The following MYO16 variants were observed in gnomAD, a reference collection of about 807,000 sequenced individuals.
The protein encoded by MYO16 is myosin XVI.
A neutral mutation model predicts 205.3 loss-of-function variants in MYO16; 94 were observed. The ratio of observed to expected loss-of-function variants is 0.46; its 90% confidence interval spans 0.39 to 0.54. The LOEUF (loss-of-function observed/expected upper bound fraction) is 0.54, where lower values mean the gene tolerates loss of function less well. MYO16 is among the 20% of genes least tolerant of loss of function. MYO16 has a pLI of 0.00. For missense variants in MYO16, 2,315 were observed against 2,387.5 expected (o/e 0.97, Z 0.63); for synonymous variants, 988 against 954.0 (o/e 1.04, Z -0.66).
intron 9 of MYO16, among the ~76,000 whole-genome samples, chr13:108,834,792 ATTTC>A (rs1280170620): frequency 3.3e-5 from 3 of 90,606 alleles, no homozygotes; most frequent in Non-Finnish European, 8.5e-5. Flanking sequence ...GATTAAAATT[ATTTC>A]TTTTTTTTAA....
At chr13:108,962,121 A>G (rs2139368195) in intron 18 of MYO16, among the ~76,000 whole-genome samples, 1 of 152,324 alleles carries the variant, frequency 6.6e-6, no homozygotes, top group African/African-American at 2.4e-5. Context: ...ACATATCTTC[A>G]CCTATATCAA....
At chr13:109,144,920 T>A (rs1877259840) in intron 32 of MYO16, among the ~76,000 whole-genome samples, 1 of 152,248 alleles carries the variant, frequency 6.6e-6, no homozygotes, top group African/African-American at 2.4e-5. Context: ...TCTACTCCAT[T>A]ACTATTCCAT....
intron 4 of MYO16, among the ~76,000 whole-genome samples, chr13:108,761,352 G>A (rs1056202220): frequency 6.6e-6 from 1 of 151,558 alleles, no homozygotes; most frequent in Non-Finnish European, 1.5e-5. Context: ...ATTTGATCAT[G>A]GACACTAAAA....
chr13:108,553,425 G>A, the MYO16 span, among the ~76,000 whole-genome samples: 50 of 152,098 alleles, frequency 3.3e-4, 1 homozygote, highest in South Asian at 8.9e-3. Flanking sequence ...CCCAATTCTC[G>A]CATCCCTGGG....
At chr13:108,554,587 C>A in the MYO16 span, among the ~76,000 whole-genome samples, 1 of 152,144 alleles carries the variant, frequency 6.6e-6, no homozygotes, top group Non-Finnish European at 1.5e-5. Flanking sequence ...TGGTGGCTCA[C>A]GCCTGTAATC....
At chr13:108,680,606 T>G (rs1882421803) in intron 2 of MYO16, among the ~76,000 whole-genome samples, 1 of 152,198 alleles carries the variant, frequency 6.6e-6, no homozygotes, top group Admixed American at 6.5e-5. Flanking sequence ...TTAAAACACC[T>G]TGAGGCACTT....
chr13:108,947,870 T>C (rs1046976307), intron 16 of MYO16, among the ~76,000 whole-genome samples: 2 of 152,254 alleles, frequency 1.3e-5, no homozygotes, highest in Non-Finnish European at 2.9e-5. Flanking sequence ...TTTCTGAATG[T>C]GTAATTTGTT....
intron 1 of MYO16, among the ~76,000 whole-genome samples, chr13:108,602,956 A>T (rs765021867): frequency 6.6e-6 from 1 of 152,210 alleles, no homozygotes; most frequent in Non-Finnish European, 1.5e-5. Flanking sequence ...AACCTGGAAA[A>T]ATGTCCAGTT....
chr13:108,541,734 G>C, the MYO16 span, among the ~76,000 whole-genome samples: 1 of 152,018 alleles, frequency 6.6e-6, no homozygotes. Flanking sequence ...CTAATCATTA[G>C]AGACATGCAA....
intron 2 of MYO16, among the ~76,000 whole-genome samples, chr13:108,686,025 G>GT (rs1566549663): frequency 6.6e-6 from 1 of 152,202 alleles, no homozygotes; most frequent in Non-Finnish European, 1.5e-5. Context: ...GGAGACACAG[G>GT]TCAGCCCATA....
At chr13:108,572,016 C>T in the MYO16 span, among the ~76,000 whole-genome samples, 1 of 151,802 alleles carries the variant, frequency 6.6e-6, no homozygotes, top group Non-Finnish European at 1.5e-5. Flanking sequence ...ACCTCCCAGG[C>T]TCAAGCAATC....
chr13:109,206,904 T>A lies in MYO16; in HGVS notation c.*68T>A. 3 of 1,418,128 alleles carry A rather than the reference T, an allele frequency of 2.1e-6. No individual in the cohort carries two copies. Among genetic ancestry groups the A allele is most frequent in the African/African-American group, 1.4e-5 (1 of 70,480 alleles). 87.8% of individuals were successfully genotyped at this position (1,418,128 alleles called of 1,614,324 possible). ...ATTCCGGGCTGCAACAACAGAAGGC[T>A]GCCTTCTGACATGCGCTGGGGCTTC... On this transcript the variant is annotated 3_prime_UTR_variant, in exon 35 of 35. Coordinates refer to ENST00000457511, the MANE Select transcript of MYO16 (RefSeq NM_001198950.3).
chr13:108,972,247 C>CTATATATATA (rs1249747098), intron 20 of MYO16, among the ~76,000 whole-genome samples: 7 of 6,060 alleles, frequency 1.2e-3, no homozygotes, highest in Non-Finnish European at 2.0e-3. Flanking sequence ...CTCTCTCTCT[C>CTATATATATA]TCTATATATA....
intron 16 of MYO16, among the ~76,000 whole-genome samples, chr13:108,957,113 C>CGGT (rs1883382551): frequency 6.6e-6 from 1 of 152,078 alleles, no homozygotes; most frequent in Non-Finnish European, 1.5e-5. Context: ...CGGCCAGGTG[C>CGGT]GGTGGCTCAC....
At chr13:108,855,095 C>A (rs1383617731) in intron 10 of MYO16, among the ~76,000 whole-genome samples, 1 of 152,126 alleles carries the variant, frequency 6.6e-6, no homozygotes, top group African/African-American at 2.4e-5. Context: ...TGCTTATCTT[C>A]CAGAGAACTG....
intron 12 of MYO16, among the ~76,000 whole-genome samples, chr13:108,878,526 G>A (rs915955518): frequency 2.6e-5 from 4 of 152,100 alleles, no homozygotes; most frequent in African/African-American, 7.2e-5. Flanking sequence ...CTTCAAGTCC[G>A]TGTGTGATCT....
At chr13:108,634,347 G>A (rs1226940821) in intron 1 of MYO16, among the ~76,000 whole-genome samples, 1 of 152,172 alleles carries the variant, frequency 6.6e-6, no homozygotes, top group Non-Finnish European at 1.5e-5. Flanking sequence ...TCCAAGGCCA[G>A]TGCGCTTGCA....
At chr13:109,132,746 C>G (rs1051635688) in intron 31 of MYO16, among the ~76,000 whole-genome samples, 1 of 152,134 alleles carries the variant, frequency 6.6e-6, no homozygotes, top group African/African-American at 2.4e-5. Context: ...AAATGTGTTA[C>G]TGGGAATAAC....
chr13:108,879,829 C>G (rs1296450970), intron 12 of MYO16, among the ~76,000 whole-genome samples: 1 of 152,152 alleles, frequency 6.6e-6, no homozygotes, highest in Non-Finnish European at 1.5e-5. Context: ...CATACATGTG[C>G]ACGTAACTTT....
Sources: allele counts gnomAD v4.1 joint callset (sites outside exome capture counted in the v4.1 genomes callset), GRCh38; gene constraint gnomAD v4.1.1; transcripts MANE v1.5; gene names NCBI Gene and HGNC (gene_info 2026-07-23, HGNC 2026-07-21).